Variants in SUGP1 observed in about 807,000 individuals in gnomAD.
SUGP1 encodes SURP and G-patch domain containing 1.
A neutral mutation model predicts 76.5 loss-of-function variants in SUGP1; 34 were observed. That is an observed-to-expected ratio of 0.44 (90% CI 0.34 to 0.59). The LOEUF is 0.59. Ranked by LOEUF, SUGP1 falls within the 20% of genes least tolerant of loss-of-function variation. The pLI is 0.01. For synonymous variants in SUGP1, 326 were observed against 326.2 expected (o/e 1.00, Z 0.01); for missense variants, 752 against 851.7 (o/e 0.88, Z 1.46).
chr19:19,303,591 G>T, intron 5 of SUGP1, 133 bp downstream of exon 5: 1 of 1,371,344 alleles, frequency 7.3e-7, no homozygotes, highest in Non-Finnish European at 1.0e-6. Context: ...GGAGCCACTT[G>T]TCACTTCTGG....
chr19:19,296,925 A>G (rs1034511910), intron 8 of SUGP1, 64 bp downstream of exon 8: 1 of 1,330,546 alleles, frequency 7.5e-7, no homozygotes, highest in Admixed American at 2.5e-5. Context: ...AACCTTGAAG[A>G]CATTATGCTC....
intron 1 of SUGP1, among the ~76,000 whole-genome samples, chr19:19,318,064 G>A (rs377726879): frequency 1.3e-4 from 19 of 147,384 alleles, no homozygotes; most frequent in African/African-American, 4.0e-4. Flanking sequence ...TCCAATTTAC[G>A]CCTCTCAAAG....
At chr19:19,318,505 T>C (rs1275592784) in intron 1 of SUGP1, among the ~76,000 whole-genome samples, 3 of 151,766 alleles carry the variant, frequency 2.0e-5, no homozygotes, top group East Asian at 3.9e-4. Flanking sequence ...CGTAGCTCAC[T>C]GCATCCTCAA....
In SUGP1 at chr19:19,296,975, G is replaced by A. The variant is rs370183395; in HGVS notation, c.1243+14C>T. 5 of 1,550,414 alleles carry A rather than the reference G, an allele frequency of 3.2e-6. No homozygotes were observed. The highest frequency in any genetic ancestry group is 2.4e-5 in the South Asian group (2 of 84,498). On this transcript the variant is annotated intron_variant, in intron 8 of 13. Coordinates refer to ENST00000247001, the MANE Select transcript of SUGP1 (RefSeq NM_172231.4). ...GACCCTTCCAACACAGGGAGGGGGA[G>A]AGGGTCTGCCCACCTGACAGAGGCG... is the stretch of plus-strand genomic sequence containing the variant.
At chr19:19,287,726 T>C (rs1193243093) in intron 8 of SUGP1, among the ~76,000 whole-genome samples, 1 of 152,150 alleles carries the variant, frequency 6.6e-6, no homozygotes. Flanking sequence ...GACAATCTGG[T>C]AGGAGGATTC....
chr19:19,310,629 T>C (rs1328114301), intron 2 of SUGP1, among the ~76,000 whole-genome samples: 1 of 152,116 alleles, frequency 6.6e-6, no homozygotes, highest in Non-Finnish European at 1.5e-5. Context: ...TGTCTCTCTC[T>C]CTCTGTCTCT....
At chr19:19,316,740 C>A in intron 1 of SUGP1, 147 bp from the exon 2 acceptor site, 1 of 886,870 alleles carries the variant, frequency 1.1e-6, no homozygotes, top group Non-Finnish European at 1.7e-6. Context: ...AGAGTGCCTG[C>A]TGCATACCAT....
chr19:19,303,601 G>T, intron 5 of SUGP1, 123 bp downstream of exon 5: 1 of 1,400,388 alleles, frequency 7.1e-7, no homozygotes, highest in African/African-American at 1.4e-5. Flanking sequence ...GTCACTTCTG[G>T]TGAGAATCAG....
chr19:19,294,002 T>C (rs763445549), intron 8 of SUGP1, among the ~76,000 whole-genome samples: 72 of 151,808 alleles, frequency 4.7e-4, no homozygotes, highest in Non-Finnish European at 9.3e-4. Flanking sequence ...CTGGGCAACA[T>C]AGTGGGACCT....
chr19:19,303,337 C>G lies in SUGP1; in HGVS notation c.763+11G>C. ...CCTCCCCAGAATCTCCCACCCGCTC[C>G]GTCCACCTACCTTTCTGAGAGGCTG... is the stretch of plus-strand genomic sequence containing the variant. On this transcript the variant is annotated intron_variant, in intron 6 of 13. Coordinates refer to ENST00000247001, the MANE Select transcript of SUGP1 (RefSeq NM_172231.4). 6.2e-7 allele frequency: 1 copy of G among 1,611,866 alleles called. No homozygotes were observed. Among genetic ancestry groups the G allele is most frequent in the Non-Finnish European group, 8.5e-7 (1 of 1,178,080 alleles).
rs1172672425 is a variant in SUGP1, at chr19:19,303,838, G to T, written c.548C>A (p.Pro183Gln). The part of the protein sequence containing the change: ...EQWLEIKVSP[P>Q]EGAETRKVIE... Reference sequence around the variant, plus strand: ...CACTTTCCGAGTCTCGGCTCCCTCTGGGGGTGAAACTTTAAGGAGGCTGTC... The same window carrying T: ...CACTTTCCGAGTCTCGGCTCCCTCTTGGGGTGAAACTTTAAGGAGGCTGTC... The change falls in exon 5 of 14, where the codon CCA (proline) becomes CAA (glutamine). Residue 183 changes from proline to glutamine, a missense_variant. Physicochemically the swap from Pro to Gln is moderately conservative, Grantham distance 76. This residue lies in a region of SUGP1 where 620 missense variants were observed against 617.3 expected (regional missense o/e 1.00). Transcript: ENST00000247001. 1 of 1,614,140 alleles carries T rather than the reference G, an allele frequency of 6.2e-7. No individual in the cohort carries two copies. The highest frequency in any genetic ancestry group is 2.2e-5 in the East Asian group (1 of 44,880).
At chr19:19,312,215 A>G (rs2061357714) in intron 2 of SUGP1, among the ~76,000 whole-genome samples, 1 of 152,202 alleles carries the variant, frequency 6.6e-6, no homozygotes, top group South Asian at 2.1e-4. Context: ...TGACAGAGTA[A>G]GATCATTTAA....
chr19:19,309,536 T>C (rs2061339285), intron 3 of SUGP1, among the ~76,000 whole-genome samples: 1 of 152,098 alleles, frequency 6.6e-6, no homozygotes, highest in Admixed American at 6.5e-5. Context: ...CCCCAGCACT[T>C]TGGATGGCCA....
intron 8 of SUGP1, among the ~76,000 whole-genome samples, chr19:19,287,367 C>T (rs913538190): frequency 2.6e-5 from 4 of 152,012 alleles, no homozygotes; most frequent in African/African-American, 7.3e-5. Context: ...TTGAGATCAG[C>T]GTGGGCAACA....
intron 7 of SUGP1, 153 bp downstream of exon 7, chr19:19,302,112 C>T: frequency 8.1e-7 from 1 of 1,235,644 alleles, no homozygotes; most frequent in Non-Finnish European, 1.1e-6. Flanking sequence ...TGTGGGGAGG[C>T]AGAGCTGGGC....
At chr19:19,313,349 C>A (rs574640131) in intron 2 of SUGP1, among the ~76,000 whole-genome samples, 4 of 152,032 alleles carry the variant, frequency 2.6e-5, no homozygotes, top group Non-Finnish European at 5.9e-5. Context: ...GGGCCAAGAT[C>A]GCGCCATTGC....
At chr19:19,283,215 A>G (rs749055371) in intron 8 of SUGP1, among the ~76,000 whole-genome samples, 7 of 152,224 alleles carry the variant, frequency 4.6e-5, no homozygotes, top group Non-Finnish European at 1.0e-4. Context: ...CACAGACTGT[A>G]CATAATGTGT....
intron 7 of SUGP1, 89 bp from the exon 8 acceptor site, chr19:19,297,433 C>G: frequency 4.5e-5 from 36 of 807,300 alleles, no homozygotes; most frequent in Non-Finnish European, 5.5e-5. Flanking sequence ...CCTTGTGTGC[C>G]CACGTTGGCC....
intron 5 of SUGP1, 36 bp downstream of exon 5, chr19:19,303,688 C>T: frequency 1.2e-6 from 2 of 1,612,580 alleles, no homozygotes; most frequent in East Asian, 4.5e-5. Flanking sequence ...CAAACGCATT[C>T]AACAGCACAG....
Sources: gnomAD v4.1 joint callset for allele counts (sites outside exome capture counted in the v4.1 genomes callset) on GRCh38, gnomAD v4.1.1 for gene constraint, gnomAD v4.1.1 regional missense constraint, MANE v1.5 for transcripts, NCBI Gene and HGNC (gene_info 2026-07-23, HGNC 2026-07-21) for gene names.